PTP4A3: variants seen among roughly 807,000 people sequenced by gnomAD.
PTP4A3 encodes the protein protein tyrosine phosphatase type IVA 3.
PTP4A3 carries 9 observed loss-of-function variants against 15.2 expected under a neutral mutation model. The ratio of observed to expected loss-of-function variants is 0.59; its 90% CI spans 0.36 to 1.03. The LOEUF is 1.03. Ranked by LOEUF, PTP4A3 falls within the 50% of genes least tolerant of loss-of-function variation. The pLI is 0.02. For synonymous variants in PTP4A3, 95 were observed against 102.0 expected (o/e 0.93, Z 0.41); for missense variants, 234 against 252.1 (o/e 0.93, Z 0.49).
chr8:141,426,607 G>C (rs1347770595), intron 3 of PTP4A3: 1 of 985,316 alleles, frequency 1.0e-6, no homozygotes, highest in African/African-American at 1.7e-5. Flanking sequence ...TGTGACCCCA[G>C]AACCAGAGCT....
At chr8:141,401,452 G>T (rs187700426) in intron 1 of PTP4A3, among the ~76,000 whole-genome samples, 124 of 152,262 alleles carry the variant, frequency 8.1e-4, no homozygotes, top group African/African-American at 2.9e-3. Flanking sequence ...AGGGTGTGAC[G>T]TCCCCCCGGC....
At chr8:141,423,571 C>G (rs958844736) in intron 2 of PTP4A3, among the ~76,000 whole-genome samples, 2 of 148,236 alleles carry the variant, frequency 1.3e-5, no homozygotes, top group Non-Finnish European at 3.0e-5. Context: ...AGTATGTGAC[C>G]AAGGTTGGGA....
Position 141,425,376 on chromosome 8 carries a change from C to T in PTP4A3, c.198+236C>T, listed in dbSNP as rs916275737. ...TTTCTGTCTCTAGGGTGGGCCAGCA[C>T]GGTTCGCCAGGCAGGGGTGGCACAT... is the stretch of plus-strand genomic sequence containing the variant. On this transcript the variant is annotated intron_variant, in intron 3 of 5. Coordinates refer to ENST00000521578, the MANE Select transcript of PTP4A3 (RefSeq NM_032611.3). This position sits in a 1 kb window ranked among gnomAD's most constrained non-coding sequence, Gnocchi z 4.2. 2.6e-5 allele frequency among the ~76,000 whole-genome samples: 4 copies of T among 152,232 alleles called. No homozygotes were observed. The highest frequency in any genetic ancestry group is 1.9e-4 in the East Asian group (1 of 5,168).
At chr8:141,408,764 C>T (rs1447751940) in intron 1 of PTP4A3, among the ~76,000 whole-genome samples, 1 of 152,228 alleles carries the variant, frequency 6.6e-6, no homozygotes, top group Non-Finnish European at 1.5e-5. Flanking sequence ...TGTCGTTGCC[C>T]TGCCCCCGGG....
chr8:141,425,625 G>T lies in PTP4A3; in HGVS notation c.198+485G>T, dbSNP rs557955550. ...GGGCGGTTCTGCTGCGATATCCTTG[G>T]GGGGGTGGGCCACAGCAGCTGCAGG... On this transcript the variant is annotated intron_variant, in intron 3 of 5. Transcript: ENST00000521578. This position sits in a 1 kb window ranked among gnomAD's most constrained non-coding sequence, Gnocchi z 4.2. 2.2e-4 allele frequency among the ~76,000 whole-genome samples: 34 copies of T among 151,742 alleles called. No homozygotes were observed. Among genetic ancestry groups the T allele is most frequent in the African/African-American group, 7.2e-4 (30 of 41,416 alleles).
At position 141,392,144 on chromosome 8, in the gene PTP4A3, G is replaced by A. The variant is rs1009447368; in HGVS notation, c.-854+60G>A. On this transcript the variant is annotated intron_variant, in intron 1 of 5. Transcript: ENST00000521578. ...GCGCGGCGCTTTGTGGAGGCGCGTG[G>A]GGGGCCGTCCGCGCGCGAGCCCGCC... The A allele has an allele frequency of 7.5e-5, 11 of 147,404 alleles. 1 individual carries two copies. The highest frequency in any genetic ancestry group is 2.7e-4 in the African/African-American group (11 of 41,012). The allele number at this position is 147,404 out of a possible 1,614,324, so 9.1% of individuals were successfully genotyped here.
chr8:141,396,867 C>T (rs567467763), intron 1 of PTP4A3, among the ~76,000 whole-genome samples: 16 of 152,250 alleles, frequency 1.1e-4, no homozygotes, highest in African/African-American at 2.9e-4. Context: ...GCACTGAGCC[C>T]GCTGGGGTTC....
rs376855186 is a variant in PTP4A3, at chr8:141,429,277, C to G, written c.404+1453C>G. Reference sequence around the variant, plus strand: ...TGCTGGGCAGAGACTCCTCGCGCTACTGCTGCTCCCACTTCCTTGGCCAGG... The same window carrying G: ...TGCTGGGCAGAGACTCCTCGCGCTAGTGCTGCTCCCACTTCCTTGGCCAGG... On this transcript the variant is annotated intron_variant, in intron 5 of 5. Coordinates refer to ENST00000521578, the MANE Select transcript of PTP4A3 (RefSeq NM_032611.3). Among the ~76,000 whole-genome samples, 27 of 152,398 alleles carry G rather than the reference C, an allele frequency of 1.8e-4. No homozygotes were observed. The East Asian group carries it at 5.2e-3, about 29-fold the overall frequency.
chr8:141,413,576 G>T (rs1015221918), intron 1 of PTP4A3, among the ~76,000 whole-genome samples: 3 of 152,238 alleles, frequency 2.0e-5, no homozygotes, highest in African/African-American at 7.2e-5. Context: ...GAGCTCTGGG[G>T]TGGGAGGCTG....
chr8:141,407,032 G>C (rs187462231), intron 1 of PTP4A3, among the ~76,000 whole-genome samples: 1 of 152,256 alleles, frequency 6.6e-6, no homozygotes, highest in East Asian at 1.9e-4. Context: ...TGCCCTCTCT[G>C]CTGGGGATCC....
Position 141,425,164 on chromosome 8 carries a change from C to A in PTP4A3, c.198+24C>A. ...TGGTGAGGCGCGCGCCACGGGGACC[C>A]TAGTCACTGCTGCCACCGGGGGAGG... On this transcript the variant is annotated intron_variant, in intron 3 of 5. Transcript: ENST00000521578. This position sits in a 1 kb window ranked among gnomAD's most constrained non-coding sequence, Gnocchi z 4.2. 1 of 1,257,918 alleles carries A rather than the reference C, an allele frequency of 7.9e-7. No individual in the cohort carries two copies. The highest frequency in any genetic ancestry group is 1.1e-6 in the Non-Finnish European group (1 of 899,168). The allele number at this position is 1,257,918 out of a possible 1,614,324, so 77.9% of individuals were successfully genotyped here.
At chr8:141,395,625 G>A (rs1006495401) in intron 1 of PTP4A3, among the ~76,000 whole-genome samples, 1 of 146,426 alleles carries the variant, frequency 6.8e-6, no homozygotes, top group Non-Finnish European at 1.5e-5. Flanking sequence ...CAGGATAGGT[G>A]CATGGGCCAC....
intron 1 of PTP4A3, among the ~76,000 whole-genome samples, chr8:141,419,250 G>T (rs1586556818): frequency 3.3e-5 from 5 of 152,338 alleles, no homozygotes; most frequent in South Asian, 2.1e-4. Flanking sequence ...TGCCTGTGGG[G>T]TCTTCCTGGG....
At chr8:141,414,303 T>G (rs139794223) in intron 1 of PTP4A3, among the ~76,000 whole-genome samples, 1 of 152,294 alleles carries the variant, frequency 6.6e-6, no homozygotes, top group Non-Finnish European at 1.5e-5. Flanking sequence ...TCCCCTGAGA[T>G]TTGTATCCTC....
intron 1 of PTP4A3, among the ~76,000 whole-genome samples, chr8:141,410,384 C>T (rs1449444003): frequency 6.6e-6 from 1 of 152,226 alleles, no homozygotes; most frequent in Non-Finnish European, 1.5e-5. Flanking sequence ...CTGAGGTCCC[C>T]ACATCTGTGG....
At chr8:141,393,212 A>T (rs900824256) in intron 1 of PTP4A3, among the ~76,000 whole-genome samples, 1 of 152,198 alleles carries the variant, frequency 6.6e-6, no homozygotes, top group African/African-American at 2.4e-5. Flanking sequence ...ACTGAGGCCC[A>T]CAAAGGTGGA....
At chr8:141,392,974 G>A (rs1414280586) in intron 1 of PTP4A3, among the ~76,000 whole-genome samples, 1 of 152,068 alleles carries the variant, frequency 6.6e-6, no homozygotes, top group African/African-American at 2.4e-5. Context: ...GGTGTGCCCC[G>A]CACACGATGG....
At chr8:141,408,557 G>A (rs564449966) in intron 1 of PTP4A3, among the ~76,000 whole-genome samples, 28 of 151,886 alleles carry the variant, frequency 1.8e-4, no homozygotes, top group African/African-American at 6.5e-4. Context: ...GGCGGAGGTT[G>A]CAGTGAGCTG....
At chr8:141,424,362 T>C (rs879143205) in intron 2 of PTP4A3, among the ~76,000 whole-genome samples, 30 of 152,130 alleles carry the variant, frequency 2.0e-4, no homozygotes, top group African/African-American at 6.8e-4. Context: ...TCCCTGGTCG[T>C]GTGGGGCTTC....
Sources: gnomAD v4.1 joint callset for allele counts (sites outside exome capture counted in the v4.1 genomes callset) on GRCh38, gnomAD v4.1.1 for gene constraint, Gnocchi (gnomAD v3.1) non-coding constraint, MANE v1.5 for transcripts, NCBI Gene and HGNC (gene_info 2026-07-23, HGNC 2026-07-21) for gene names.